Variants in PDZD8 observed in about 807,000 individuals in gnomAD.
PDZD8 encodes the protein PDZ domain containing 8.
PDZD8 carries 14 observed loss-of-function variants against 85.8 expected under a neutral mutation model. The ratio of observed to expected loss-of-function variants is 0.16; its 90% CI spans 0.11 to 0.26. PDZD8 has a LOEUF of 0.26. PDZD8 is among the 10% of genes least tolerant of loss of function. PDZD8 has a pLI of 1.00. For synonymous variants in PDZD8, 592 were observed against 568.6 expected, an observed-to-expected ratio of 1.04 and a Z score of -0.59; for missense variants, 1,197 against 1,424.3, an observed-to-expected ratio of 0.84 and a Z score of 2.57.
rs762503166 is a variant in PDZD8 at position 117,375,212 on chromosome 10, T to G, written c.16A>C (p.Met6Leu). 28 of 1,528,828 alleles carry G rather than the reference T, an allele frequency of 1.8e-5. No individual in the cohort carries two copies. Among genetic ancestry groups the G allele is most frequent in the South Asian group, 4.7e-5 (4 of 84,334 alleles). The allele number at this position is 1,528,828 out of a possible 1,614,324, so 94.7% of individuals were successfully genotyped here. MGLLLMILASAVLGSF... is the reference protein window; with the variant it reads MGLLLLILASAVLGSF... ...CCCAGCACGGCCGACGCCAGGATCA[T>G]GAGCAGCAGCCCCATCCCGCCACCG... The change falls in exon 1 of 5, where the codon ATG (methionine) becomes CTG (leucine). Residue 6 changes from methionine to leucine, a missense_variant. By Grantham distance (15) the Met-to-Leu change is conservative. Around this residue, in one of 4 missense-constraint regions of PDZD8, gnomAD observed 172 missense variants for 137.8 expected, o/e 1.25. Transcript: ENST00000334464.
intron 3 of PDZD8, among the ~76,000 whole-genome samples, chr10:117,291,326 T>C (rs1374825081): frequency 2.0e-5 from 3 of 151,356 alleles, no homozygotes; most frequent in South Asian, 2.1e-4. Flanking sequence ...GTCAGGAGAT[T>C]AAGACAATCC....
chr10:117,352,642 G>A (rs768845561), intron 1 of PDZD8, among the ~76,000 whole-genome samples: 2 of 152,146 alleles, frequency 1.3e-5, no homozygotes, highest in African/African-American at 4.8e-5. Flanking sequence ...CATGCTTTTT[G>A]TTACCTATGA....
At chr10:117,335,197 A>G (rs939885298) in intron 2 of PDZD8, among the ~76,000 whole-genome samples, 2 of 152,244 alleles carry the variant, frequency 1.3e-5, no homozygotes, top group Admixed American at 1.3e-4. Context: ...TTCTCATCAG[A>G]ATATGGGATT....
In PDZD8 at chr10:117,284,633, A is replaced by G; in HGVS notation, c.2100T>C (p.Cys700=). The change falls in exon 5 of 5, where the codon TGT becomes TGC. Residue 700 remains cysteine (C), a synonymous_variant. Coordinates refer to ENST00000334464, the MANE Select transcript of PDZD8 (RefSeq NM_173791.5). ...LGKWTRTRAS[C]LFDIEACHRY... ...TGTGACAGGCTTCTATGTCAAACAAACAGGATGCTCTGGTTCTTGTCCATT... is the reference window on the plus strand; with the variant it reads ...TGTGACAGGCTTCTATGTCAAACAAGCAGGATGCTCTGGTTCTTGTCCATT... 1.2e-6 allele frequency: 2 copies of G among 1,614,232 alleles called. No homozygotes were observed. Among genetic ancestry groups the G allele is most frequent in the South Asian group, 2.2e-5 (2 of 91,084 alleles).
rs778852716 is a variant in PDZD8, at chr10:117,283,263, G to C, written c.*5C>G. ...TTCATTTGAAAGCTTAAATAGACCT[G>C]TCTGCTACACAGACTCGGATGGGCC... On this transcript the variant is annotated 3_prime_UTR_variant, in exon 5 of 5. Coordinates refer to ENST00000334464, the MANE Select transcript of PDZD8 (RefSeq NM_173791.5). The C allele has an allele frequency of 1.3e-5, 21 of 1,599,394 alleles. No individual in the cohort carries two copies. The South Asian group carries it at 2.3e-4, about 17-fold the overall frequency.
rs1014890598 is a variant in PDZD8, at chr10:117,290,204, G to T, written c.1243C>A (p.Arg415=). 1.9e-6 allele frequency: 3 copies of T among 1,613,528 alleles called. No individual in the cohort carries two copies. Among genetic ancestry groups the T allele is most frequent in the African/African-American group, 2.7e-5 (2 of 75,012 alleles). Residue 415 remains arginine (R), a synonymous_variant, in exon 4 of 5, where the codon CGA becomes AGA. Coordinates refer to ENST00000334464, the MANE Select transcript of PDZD8 (RefSeq NM_173791.5). The part of the protein sequence containing the change: ...AAIADLQRGD[R]LIAIGGVKIT... ...TAATTACCTCCAATGGCGATAAGTC[G>T]ATCTCCCCGCTGAAGATCTGCAATT...
chr10:117,294,792 T>C (rs1011860834), intron 3 of PDZD8, among the ~76,000 whole-genome samples: 7 of 152,098 alleles, frequency 4.6e-5, no homozygotes, highest in Admixed American at 6.5e-5. Flanking sequence ...CTCACTCATA[T>C]GTGGAATCTA....
chr10:117,285,481 G>GA lies in PDZD8; in HGVS notation c.1262-11dup. On this transcript the variant is annotated splice_polypyrimidine_tract_variant and intron_variant, in intron 4 of 4. Transcript: ENST00000334464. ...GATGTGATTTTCACACCTGGTTTAA[G>GA]ATTTTAAAAGGGAAAACATGTAAAT... The GA allele has an allele frequency of 6.5e-7, 1 of 1,550,026 alleles. No individual in the cohort carries two copies. Among genetic ancestry groups the GA allele is most frequent in the Non-Finnish European group, 8.7e-7 (1 of 1,147,190 alleles).
intron 1 of PDZD8, among the ~76,000 whole-genome samples, chr10:117,346,268 T>C (rs2133855499): frequency 6.7e-6 from 1 of 148,226 alleles, no homozygotes; most frequent in Middle Eastern, 3.5e-3. Flanking sequence ...GGAGGTATTA[T>C]GACAATGTTA....
At chr10:117,292,293 T>A (rs1257560643) in intron 3 of PDZD8, among the ~76,000 whole-genome samples, 1 of 152,202 alleles carries the variant, frequency 6.6e-6, no homozygotes, top group African/African-American at 2.4e-5. Flanking sequence ...TGTGTTTAAA[T>A]CTCCTAAGAC....
At chr10:117,293,029 TG>T (rs1844797440) in intron 3 of PDZD8, among the ~76,000 whole-genome samples, 1 of 152,040 alleles carries the variant, frequency 6.6e-6, no homozygotes, top group South Asian at 2.1e-4. Context: ...AGTTCTGACA[TG>T]ATTCAGAAGT....
chr10:117,355,425 A>G (rs1433881152), intron 1 of PDZD8, among the ~76,000 whole-genome samples: 1 of 152,208 alleles, frequency 6.6e-6, no homozygotes, highest in Non-Finnish European at 1.5e-5. Context: ...CTTTCCTGCA[A>G]GATCCCCTCC....
chr10:117,286,996 T>C (rs967282971), intron 4 of PDZD8, among the ~76,000 whole-genome samples: 2 of 152,142 alleles, frequency 1.3e-5, no homozygotes, highest in Admixed American at 6.5e-5. Flanking sequence ...TAAAGTCTAC[T>C]CTCCCTACTC....
intron 3 of PDZD8, among the ~76,000 whole-genome samples, chr10:117,298,339 T>C (rs537242341): frequency 6.6e-6 from 1 of 152,246 alleles, no homozygotes; most frequent in African/African-American, 2.4e-5. Context: ...CCCCACACCA[T>C]AGCAACTGCT....
At chr10:117,302,798 T>C (rs879744896) in intron 3 of PDZD8, among the ~76,000 whole-genome samples, 1 of 152,196 alleles carries the variant, frequency 6.6e-6, no homozygotes, top group Non-Finnish European at 1.5e-5. Flanking sequence ...TGAGATCTGA[T>C]GGGTTTATCA....
intron 4 of PDZD8, among the ~76,000 whole-genome samples, chr10:117,288,837 T>A (rs1844710799): frequency 6.6e-6 from 1 of 152,222 alleles, no homozygotes; most frequent in Non-Finnish European, 1.5e-5. Flanking sequence ...AAATGTTAGA[T>A]GTCAAGGGAT....
chr10:117,346,931 C>T (rs2133856659), intron 1 of PDZD8, among the ~76,000 whole-genome samples: 4 of 152,220 alleles, frequency 2.6e-5, no homozygotes, highest in African/African-American at 7.2e-5. Flanking sequence ...ATCACTGCCC[C>T]CTCAAGCCTC....
chr10:117,346,361 C>A (rs1041282881), intron 1 of PDZD8, among the ~76,000 whole-genome samples: 1 of 151,966 alleles, frequency 6.6e-6, no homozygotes, highest in Non-Finnish European at 1.5e-5. Flanking sequence ...AAGATCCCCC[C>A]AACCACCTGA....
rs1224562312 is a variant in PDZD8 at position 117,283,796 on chromosome 10, G to A, written c.2937C>T (p.Gly979=). ...KHTPNTSDNE[G]SDTEVCGPNS... ...TTGGACCACAGACCTCCGTGTCACT[G>A]CCTTCGTTGTCTGACGTGTTGGGTG... The change falls in exon 5 of 5, where the codon GGC becomes GGT. Residue 979 remains glycine (G), a synonymous_variant. Transcript: ENST00000334464. 2 of 1,614,208 alleles carry A rather than the reference G, an allele frequency of 1.2e-6. No individual in the cohort carries two copies. The highest frequency in any genetic ancestry group is 1.7e-5 in the Admixed American group (1 of 60,026).
Sources: allele counts gnomAD v4.1 joint callset (sites outside exome capture counted in the v4.1 genomes callset), GRCh38; gene constraint gnomAD v4.1.1; regional missense constraint gnomAD v4.1.1; transcripts MANE v1.5; gene names NCBI Gene and HGNC (gene_info 2026-07-23, HGNC 2026-07-21).